The following KIN variants were observed in gnomAD, a reference collection of about 807,000 sequenced individuals.
The protein encoded by KIN is Kin17 DNA and RNA binding protein.
In KIN, 47 loss-of-function variants were observed where a neutral mutation model predicts 63.0. That is an observed-to-expected ratio of 0.75 (90% CI 0.59 to 0.95). KIN has a LOEUF of 0.95. KIN is among the 40% of genes least tolerant of loss of function. The pLI is 0.00. For synonymous variants in KIN, 160 were observed against 157.7 expected, an observed-to-expected ratio of 1.01 and a Z score of -0.11; for missense variants, 408 against 460.9, an observed-to-expected ratio of 0.89 and a Z score of 1.05.
rs1278497671 is a variant in KIN at position 7,755,126 on chromosome 10, T to C, written c.*954A>G. On this transcript the variant is annotated 3_prime_UTR_variant, in exon 13 of 13. Transcript: ENST00000379562. ...CAACATTGCTGGTAGGACTGTAAAA[T>C]GGTATAGCTGCTCTGGAAGAGTTTG... 2.6e-5 allele frequency: 4 copies of C among 152,288 alleles called. No homozygotes were observed. The highest frequency in any genetic ancestry group is 1.9e-4 in the East Asian group (1 of 5,190). 9.4% of individuals were successfully genotyped at this position (152,288 alleles called of 1,614,324 possible).
At chr10:7,757,231 G>A (rs943001473) in intron 12 of KIN, among the ~76,000 whole-genome samples, 9 of 152,148 alleles carry the variant, frequency 5.9e-5, no homozygotes, top group African/African-American at 1.9e-4. Context: ...CGGGCGCAGT[G>A]CTCACATCTG....
At chr10:7,785,604 C>A (rs935563207) in intron 1 of KIN, among the ~76,000 whole-genome samples, 1 of 152,096 alleles carries the variant, frequency 6.6e-6, no homozygotes, top group Non-Finnish European at 1.5e-5. Context: ...ACCAGCCTGG[C>A]CAACGTGGCA....
rs747572646 is a variant in KIN at position 7,778,857 on chromosome 10, C to T, written c.539G>A (p.Gly180Asp). ...ACCCACCTGTTCCTTCCCTTCCAGG[C>T]CTCTTCTCACTTGCTCTTCAATAAA... ...AKFIEEQVRR[G>D]LEGKEQEVPT... Residue 180 changes from glycine to aspartate, a missense_variant, in exon 5 of 13, where the codon GGC becomes GAC. Transcript: ENST00000379562. The T allele has an allele frequency of 2.5e-6, 4 of 1,613,982 alleles. No homozygotes were observed. The highest frequency in any genetic ancestry group is 3.4e-6 in the Non-Finnish European group (4 of 1,180,002).
intron 2 of KIN, among the ~76,000 whole-genome samples, chr10:7,780,859 G>A (rs1835881853): frequency 6.6e-6 from 1 of 152,158 alleles, no homozygotes; most frequent in Non-Finnish European, 1.5e-5. Context: ...TCTTGGTAAA[G>A]CAGTCATAGA....
At chr10:7,785,058 T>C (rs1835971267) in intron 1 of KIN, among the ~76,000 whole-genome samples, 2 of 151,820 alleles carry the variant, frequency 1.3e-5, no homozygotes, top group Admixed American at 6.6e-5. Flanking sequence ...GAGACCAGCC[T>C]GGGCAACATG....
chr10:7,766,572 TACC>T (rs1564317329), intron 8 of KIN, among the ~76,000 whole-genome samples: 1 of 151,714 alleles, frequency 6.6e-6, no homozygotes, highest in East Asian at 1.9e-4. Flanking sequence ...GGAAGAAAAA[TACC>T]ACCAAGAGAT....
intron 12 of KIN, among the ~76,000 whole-genome samples, chr10:7,758,649 A>T (rs1455337466): frequency 6.7e-6 from 1 of 150,254 alleles, no homozygotes; most frequent in Non-Finnish European, 1.5e-5. Flanking sequence ...TGAAATTAAT[A>T]AGGTAAGTTT....
chr10:7,773,809 T>C (rs17142979), intron 7 of KIN, among the ~76,000 whole-genome samples: 20,521 of 152,248 alleles, frequency 0.13, 1,570 homozygotes, highest in East Asian at 0.3. Flanking sequence ...CAGTAGATAC[T>C]GGTACTTGAC....
chr10:7,756,616 G>A (rs1186857581), intron 12 of KIN, among the ~76,000 whole-genome samples: 5 of 152,216 alleles, frequency 3.3e-5, no homozygotes, highest in Admixed American at 2.6e-4. Flanking sequence ...TAGCTGGAAG[G>A]ACCCTGGGTT....
chr10:7,762,577 T>G, intron 10 of KIN, 21 bp from the exon 11 acceptor site: 1 of 1,378,184 alleles, frequency 7.3e-7, no homozygotes, highest in African/African-American at 1.4e-5. Context: ...AAATGAACAC[T>G]TTTATAATAG....
chr10:7,753,994 G>A lies in KIN; in HGVS notation c.*2086C>T. 2.2e-6 allele frequency: 1 copy of A among 455,590 alleles called. No individual in the cohort carries two copies. The allele number at this position is 455,590 out of a possible 1,614,324, so 28.2% of individuals were successfully genotyped here. The stretch of plus-strand genomic sequence containing the variant: ...TTATACCCATCCTCATGTTTGAAGT[G>A]ATCATCCTGGTATGGTCTGTTTTTT... On this transcript the variant is annotated 3_prime_UTR_variant, in exon 13 of 13. Transcript: ENST00000379562.
rs1835870896 is a variant in KIN, at chr10:7,780,295, A to C, written c.222T>G (p.Asn74Lys). ...GTCTCCTGAGAAGTTCTAGAAAGTC[A>C]TTTCGGAATTCCCTAATAAAGAAAG... is the stretch of plus-strand genomic sequence containing the variant. ...FMDYFSEEFR[N>K]DFLELLRRRF... Residue 74 changes from asparagine (N) to lysine (K), a missense_variant, in exon 3 of 13, where the codon AAT becomes AAG. By Grantham distance (94) the Asn-to-Lys change is moderately conservative (BLOSUM62 0). Around this residue, in one of 2 missense-constraint regions of KIN, gnomAD observed 110 missense variants for 164.9 expected, o/e 0.67. Coordinates refer to ENST00000379562, the MANE Select transcript of KIN (RefSeq NM_012311.4). 1 of 1,606,502 alleles carries C rather than the reference A, an allele frequency of 6.2e-7. No individual in the cohort carries two copies. The highest frequency in any genetic ancestry group is 1.1e-5 in the South Asian group (1 of 89,936).
rs760071294 is a variant in KIN at position 7,783,069 on chromosome 10, T to C, written c.209+12A>G. The C allele has an allele frequency of 3.7e-5, 54 of 1,462,498 alleles. No individual in the cohort carries two copies. The highest frequency in any genetic ancestry group is 5.0e-5 in the Non-Finnish European group (53 of 1,058,032). The allele number at this position is 1,462,498 out of a possible 1,614,324, so 90.6% of individuals were successfully genotyped here. ...AAAGCCTATAAGATAAAGAGTTCTTTGAGTTACTTACTCTGAAAAATAATC... is the reference window on the plus strand; with the variant it reads ...AAAGCCTATAAGATAAAGAGTTCTTCGAGTTACTTACTCTGAAAAATAATC... On this transcript the variant is annotated intron_variant, in intron 2 of 12. Coordinates refer to ENST00000379562, the MANE Select transcript of KIN (RefSeq NM_012311.4).
intron 9 of KIN, 45 bp from the exon 10 acceptor site, chr10:7,763,836 T>C (rs1214248645): frequency 2.1e-6 from 2 of 961,170 alleles, no homozygotes; most frequent in Non-Finnish European, 3.2e-6. Flanking sequence ...ACAGAAGTTA[T>C]CGTTTGTCAT....
At chr10:7,775,391 G>A (rs973521124) in intron 6 of KIN, among the ~76,000 whole-genome samples, 1 of 152,234 alleles carries the variant, frequency 6.6e-6, no homozygotes, top group Non-Finnish European at 1.5e-5. Flanking sequence ...TTCTAGAAGA[G>A]CATCCAGAGA....
At chr10:7,765,880 G>A (rs1042778326) in intron 9 of KIN, among the ~76,000 whole-genome samples, 173 bp downstream of exon 9, 7 of 152,122 alleles carry the variant, frequency 4.6e-5, no homozygotes, top group African/African-American at 1.4e-4. Context: ...TCCAATAGAG[G>A]TGCAACCAAT....
chr10:7,759,976 C>A lies in KIN; in HGVS notation c.1033G>T (p.Val345Phe). 6.7e-7 allele frequency: 1 copy of A among 1,493,136 alleles called. No individual in the cohort carries two copies. Among genetic ancestry groups the A allele is most frequent in the African/African-American group, 1.4e-5 (1 of 69,518 alleles). The allele number at this position is 1,493,136 out of a possible 1,614,324, so 92.5% of individuals were successfully genotyped here. Residue 345 changes from valine (V) to phenylalanine (F), a missense_variant, in exon 12 of 13, where the codon GTT becomes TTT. By Grantham distance (50) the Val-to-Phe change is conservative (BLOSUM62 -1). This residue lies in a region of KIN where 298 missense variants were observed against 296.0 expected (regional missense o/e 1.01). Transcript: ENST00000379562. ...TTTCCTCTGTAGCCTCCATTTAAAACTAGAATTCTTTTTCCTATGATGGAA... is the reference window on the plus strand; with the variant it reads ...TTTCCTCTGTAGCCTCCATTTAAAAATAGAATTCTTTTTCCTATGATGGAA... ...VIPAPGKRIL[V>F]LNGGYRGNEG...
intron 10 of KIN, among the ~76,000 whole-genome samples, chr10:7,763,228 C>T (rs1447295385): frequency 6.6e-6 from 1 of 152,108 alleles, no homozygotes; most frequent in Non-Finnish European, 1.5e-5. Flanking sequence ...TGCACTCCAG[C>T]CTGGGCAACA....
intron 11 of KIN, 88 bp downstream of exon 11, chr10:7,762,369 C>A: frequency 1.5e-6 from 1 of 666,976 alleles, no homozygotes. Flanking sequence ...AAATAACAAC[C>A]AACAAGTACT....
Sources: gnomAD v4.1 joint callset for allele counts (sites outside exome capture counted in the v4.1 genomes callset) on GRCh38, gnomAD v4.1.1 for gene constraint, gnomAD v4.1.1 regional missense constraint, MANE v1.5 for transcripts, NCBI Gene and HGNC (gene_info 2026-07-23, HGNC 2026-07-21) for gene names.